Variants in PODN observed in about 807,000 individuals in gnomAD.
PODN encodes the protein podocan.
A neutral mutation model predicts 52.7 loss-of-function variants in PODN; 40 were observed. That is an observed-to-expected ratio of 0.76 (90% CI 0.59 to 0.99). The LOEUF is 0.99. PODN is among the 50% of genes least tolerant of loss of function. PODN has a pLI of 0.00. For synonymous variants in PODN, 396 were observed against 377.9 expected (o/e 1.05, Z -0.56); for missense variants, 720 against 815.1 (o/e 0.88, Z 1.42).
rs1345517717 is a variant in PODN at position 53,069,804 on chromosome 1, C to T, written c.-52C>T. ...CTGTGTCCACTGTACCTCACAGGTT[C>T]CGTCAGCCCTGGCGCCCAGGCGCAT... On this transcript the variant is annotated 5_prime_UTR_variant, in exon 2 of 11. Transcript: ENST00000312553. 8.9e-6 allele frequency: 14 copies of T among 1,579,692 alleles called. No homozygotes were observed. The highest frequency in any genetic ancestry group is 1.2e-5 in the Non-Finnish European group (14 of 1,163,942).
intron 1 of PODN, among the ~76,000 whole-genome samples, chr1:53,064,675 T>A (rs1379527217): frequency 6.6e-6 from 1 of 152,158 alleles, no homozygotes; most frequent in African/African-American, 2.4e-5. Flanking sequence ...AGACAGTGGG[T>A]CCCACTTACT....
At chr1:53,075,783 G>C (rs562360764) in intron 4 of PODN, 79 bp from the exon 5 acceptor site, 2 of 1,249,382 alleles carry the variant, frequency 1.6e-6, no homozygotes, top group African/African-American at 3.0e-5. Context: ...AAGGGGCCCC[G>C]GTGGGCAGCA....
intron 10 of PODN, among the ~76,000 whole-genome samples, chr1:53,084,128 C>T (rs1002673153): frequency 6.6e-5 from 10 of 151,098 alleles, no homozygotes; most frequent in African/African-American, 9.7e-5. Flanking sequence ...TCCCAGGGCC[C>T]GGGAGTATGA....
At chr1:53,066,937 T>C (rs11580093) in intron 1 of PODN, 69,102 of 1,464,846 alleles carry the variant, frequency 0.047, 2,036 homozygotes, top group Middle Eastern at 0.11. Flanking sequence ...TCTGCCCTGA[T>C]TGAATTTGGG....
Position 53,074,691 on chromosome 1 carries a change from T to TG in PODN, c.471+27dup, listed in dbSNP as rs536668847. 11,755 of 1,611,974 alleles carry TG rather than the reference T, an allele frequency of 7.3e-3. 59 individuals carry two copies. The highest frequency in any genetic ancestry group is 9.0e-3 in the Non-Finnish European group (10,666 of 1,178,890). On this transcript the variant is annotated intron_variant, in intron 4 of 10. Coordinates refer to ENST00000312553, the MANE Select transcript of PODN (RefSeq NM_153703.5). ...ACAAGGTGAGGGGCTTGAGGCAGGG[T>TG]GGGGGGTTGCTGCCCTGTCCTCTAG...
At chr1:53,066,814 T>A in intron 1 of PODN, 1 of 1,547,314 alleles carries the variant, frequency 6.5e-7, no homozygotes, top group Non-Finnish European at 8.7e-7. Context: ...TGATGCAGTT[T>A]ACAGATTTTT....
chr1:53,069,403 A>G (rs1418356925), intron 1 of PODN, among the ~76,000 whole-genome samples: 2 of 152,216 alleles, frequency 1.3e-5, no homozygotes, highest in Non-Finnish European at 2.9e-5. Context: ...GGCGAGCTGG[A>G]GAGCCGGGAC....
Position 53,074,578 on chromosome 1 carries a change from G to A in PODN, c.407-28G>A, listed in dbSNP as rs779997012. The A allele has an allele frequency of 8.1e-6, 13 of 1,613,432 alleles. No homozygotes were observed. The South Asian group carries it at 1.2e-4, about 15-fold the overall frequency. ...TCCCTGTGGCGTCTCCTCCATCCAG[G>A]GCTCTGACCGATGCCTGTCCTTTGA... On this transcript the variant is annotated intron_variant, in intron 3 of 10. Coordinates refer to ENST00000312553, the MANE Select transcript of PODN (RefSeq NM_153703.5).
Position 53,078,900 on chromosome 1 carries a change from G to C in PODN, c.1390G>C (p.Ala464Pro). Residue 464 changes from alanine (A) to proline (P), a missense_variant, in exon 8 of 11, where the codon GCT becomes CCT. Coordinates refer to ENST00000312553, the MANE Select transcript of PODN (RefSeq NM_153703.5). ...GCTGAAGGTCAAGCGCAATGAGCTG[G>C]CTGCCTTGGCACGAGGGGCGCTGGT... Reference protein sequence around the residue: ...HVLKVKRNELAALARGALVGM... With the variant: ...HVLKVKRNELPALARGALVGM... 1 of 1,609,112 alleles carries C rather than the reference G, an allele frequency of 6.2e-7. No individual in the cohort carries two copies. Among genetic ancestry groups the C allele is most frequent in the Non-Finnish European group, 8.5e-7 (1 of 1,178,054 alleles).
At chr1:53,080,003 A>T (rs1216142883) in intron 8 of PODN, among the ~76,000 whole-genome samples, 2 of 19,956 alleles carry the variant, frequency 1.0e-4, no homozygotes, top group South Asian at 1.7e-3. Context: ...TCAAATTAAA[A>T]AAAAAAAAAA....
chr1:53,084,485 GC>G (rs1351477762), intron 10 of PODN, 27 bp from the exon 11 acceptor site: 2 of 152,194 alleles, frequency 1.3e-5, no homozygotes, highest in African/African-American at 4.8e-5. Flanking sequence ...CCCTGAGCTG[GC>G]CCCTGACTCT....
At position 53,069,805 on chromosome 1, in the gene PODN, C is replaced by T. The variant is rs74718983; in HGVS notation, c.-51C>T. On this transcript the variant is annotated 5_prime_UTR_variant, in exon 2 of 11. Transcript: ENST00000312553. ...TGTGTCCACTGTACCTCACAGGTTC[C>T]GTCAGCCCTGGCGCCCAGGCGCATC... 3.7e-4 allele frequency: 589 copies of T among 1,580,390 alleles called. 6 individuals carry two copies. In the East Asian group the frequency reaches 0.011, roughly 30 times the overall value.
chr1:53,077,236 G>A lies in PODN; in HGVS notation c.628G>A (p.Asp210Asn), dbSNP rs1644207639. The A allele has an allele frequency of 2.4e-5, 39 of 1,613,498 alleles. No individual in the cohort carries two copies. Among genetic ancestry groups the A allele is most frequent in the Non-Finnish European group, 3.3e-5 (39 of 1,180,030 alleles). Residue 210 changes from aspartate (D) to asparagine (N), a missense_variant, in exon 6 of 11, where the codon GAC becomes AAC. Asp to Asn is a conservative substitution (Grantham distance 23). Coordinates refer to ENST00000312553, the MANE Select transcript of PODN (RefSeq NM_153703.5). ...CAAGCTGGCAGACGCCGGGCTGCCG[G>A]ACAACATGTTCAACGGCTCCAGCAA... ...NNKLADAGLPDNMFNGSSNVE... is the reference protein window; with the variant it reads ...NNKLADAGLPNNMFNGSSNVE...
rs1644225499 is a variant in PODN, at chr1:53,078,254, A to C, written c.855-111A>C. ...TGAGGGCCCACAGTCAGTGAGCAGC[A>C]GAGCTGGGAGGAGCTAGTGGCAATT... On this transcript the variant is annotated intron_variant, in intron 7 of 10. Transcript: ENST00000312553. 3.6e-6 allele frequency: 4 copies of C among 1,113,718 alleles called. No homozygotes were observed. The South Asian group carries it at 4.4e-5, about 12-fold the overall frequency. The allele number at this position is 1,113,718 out of a possible 1,614,324, so 69.0% of individuals were successfully genotyped here. A position where few individuals can be genotyped will look rare whatever the true frequency, so the allele number is the denominator to read the frequency against.
chr1:53,075,577 A>T (rs1434720018), intron 4 of PODN, among the ~76,000 whole-genome samples: 1 of 152,180 alleles, frequency 6.6e-6, no homozygotes, highest in African/African-American at 2.4e-5. Flanking sequence ...CAGGTGTAAA[A>T]GCCACACCCA....
chr1:53,072,294 G>A (rs1442833929), intron 3 of PODN, among the ~76,000 whole-genome samples: 3 of 152,060 alleles, frequency 2.0e-5, no homozygotes, highest in African/African-American at 7.3e-5. Context: ...GAATCCATAA[G>A]TTATTTTCAT....
intron 6 of PODN, 34 bp from the exon 7 acceptor site, chr1:53,077,651 C>T: frequency 6.3e-7 from 1 of 1,583,620 alleles, no homozygotes; most frequent in Non-Finnish European, 8.6e-7. Flanking sequence ...TCGGCCCTCC[C>T]TCACAATCTC....
chr1:53,072,822 AG>A (rs1408042298), intron 3 of PODN: 2 of 152,322 alleles, frequency 1.3e-5, no homozygotes, highest in Non-Finnish European at 2.9e-5. Context: ...GCACTTTGGG[AG>A]GCCAAGGCAG....
In PODN at chr1:53,070,016, T is replaced by A; in HGVS notation, c.161T>A (p.Leu54Gln). ...GCGGAGGAGGAGCCGGTGCTGGTAC[T>A]GAGCCCTGAGGAGCCCGGGCCTGGC... is the stretch of plus-strand genomic sequence containing the variant. ...EFAEEEPVLV[L>Q]SPEEPGPGPA... The change falls in exon 2 of 11, where the codon CTG (leucine) becomes CAG (glutamine). Residue 54 changes from leucine to glutamine, a missense_variant. Transcript: ENST00000312553. 1 of 1,612,838 alleles carries A rather than the reference T, an allele frequency of 6.2e-7. No homozygotes were observed. The highest frequency in any genetic ancestry group is 1.1e-5 in the South Asian group (1 of 91,056).
Sources: allele counts gnomAD v4.1 joint callset (sites outside exome capture counted in the v4.1 genomes callset), GRCh38; gene constraint gnomAD v4.1.1; transcripts MANE v1.5; gene names NCBI Gene and HGNC (gene_info 2026-07-23, HGNC 2026-07-21).